ERP44: variants seen among roughly 807,000 people sequenced by gnomAD.
The protein encoded by ERP44 is endoplasmic reticulum resident protein 44.
ERP44 carries 25 observed loss-of-function variants against 53.4 expected under a neutral mutation model. The ratio of observed to expected loss-of-function variants is 0.47; its 90% CI spans 0.34 to 0.65. The LOEUF is 0.65. Among genes scored for constraint, ERP44 ranks in the 30% least tolerant of loss-of-function variants. The pLI, the probability that ERP44 is intolerant of heterozygous loss-of-function variation, is 0.01. For synonymous variants in ERP44, 145 were observed against 161.2 expected (o/e 0.90, Z 0.76); for missense variants, 338 against 493.2 (o/e 0.69, Z 2.98).
intron 1 of ERP44, among the ~76,000 whole-genome samples, chr9:100,087,339 G>T (rs1265348099): frequency 6.6e-6 from 1 of 152,110 alleles, no homozygotes; most frequent in East Asian, 1.9e-4. Context: ...ATTAGGATAA[G>T]AAGACCACAG....
At chr9:100,042,924 G>C (rs968779990) in intron 4 of ERP44, among the ~76,000 whole-genome samples, 1 of 152,088 alleles carries the variant, frequency 6.6e-6, no homozygotes, top group Non-Finnish European at 1.5e-5. Context: ...GGGTAGTCGA[G>C]GGTCAGGGAG....
At chr9:100,078,217 G>A (rs1306690358) in intron 1 of ERP44, among the ~76,000 whole-genome samples, 1 of 152,134 alleles carries the variant, frequency 6.6e-6, no homozygotes, top group Non-Finnish European at 1.5e-5. Flanking sequence ...CAGTACTTTG[G>A]GAGGCTGAGG....
chr9:100,017,610 C>T (rs1384653300), intron 7 of ERP44, among the ~76,000 whole-genome samples: 1 of 152,146 alleles, frequency 6.6e-6, no homozygotes, highest in East Asian at 1.9e-4. Flanking sequence ...AGTGTCAAAA[C>T]ACTGTAAACA....
At chr9:100,083,203 T>C (rs979148738) in intron 1 of ERP44, among the ~76,000 whole-genome samples, 2 of 151,886 alleles carry the variant, frequency 1.3e-5, no homozygotes, top group African/African-American at 4.8e-5. Flanking sequence ...GATGAACATA[T>C]AATGCTATTC....
chr9:100,000,574 T>C (rs954422299), intron 10 of ERP44, among the ~76,000 whole-genome samples: 1 of 152,158 alleles, frequency 6.6e-6, no homozygotes. Context: ...TTGGTTGCTA[T>C]TGGTCTGTTT....
intron 6 of ERP44, 139 bp downstream of exon 6, chr9:100,020,477 G>A (rs1408705180): frequency 1.8e-6 from 1 of 559,258 alleles, no homozygotes; most frequent in African/African-American, 1.9e-5. Flanking sequence ...TTCAGAGACA[G>A]GTATAAAGAC....
At chr9:100,076,160 G>C (rs368199341) in intron 1 of ERP44, among the ~76,000 whole-genome samples, 2 of 152,192 alleles carry the variant, frequency 1.3e-5, no homozygotes, top group Admixed American at 1.3e-4. Flanking sequence ...GTCACCATGA[G>C]ACCAGAACTG....
intron 10 of ERP44, among the ~76,000 whole-genome samples, chr9:99,986,063 A>G (rs1177405583): frequency 6.6e-6 from 1 of 152,212 alleles, no homozygotes; most frequent in African/African-American, 2.4e-5. Context: ...TGTAGCAGAC[A>G]CCACCATACT....
chr9:100,081,947 G>T (rs765794041), intron 1 of ERP44, among the ~76,000 whole-genome samples: 6 of 150,998 alleles, frequency 4.0e-5, no homozygotes, highest in Non-Finnish European at 5.9e-5. Flanking sequence ...ACCACAAACA[G>T]TTAGAGACTG....
chr9:100,098,963 C>G lies in ERP44; in HGVS notation c.-123G>C. On this transcript the variant is annotated 5_prime_UTR_variant, in exon 1 of 12. Transcript: ENST00000262455. ...CAGCGGAGGATTCTCCAGGCAGCGG[C>G]ACCTCGTCCTCTCGACCCGGGCTCC... 1.4e-6 allele frequency: 1 copy of G among 738,172 alleles called. No individual in the cohort carries two copies. Among genetic ancestry groups the G allele is most frequent in the Non-Finnish European group, 2.3e-6 (1 of 434,078 alleles). 45.7% of individuals were successfully genotyped at this position (738,172 alleles called of 1,614,324 possible). A position where few individuals can be genotyped will look rare whatever the true frequency, so the allele number is the denominator to read the frequency against.
At chr9:99,990,222 T>C (rs913295659) in intron 10 of ERP44, among the ~76,000 whole-genome samples, 1 of 152,150 alleles carries the variant, frequency 6.6e-6, no homozygotes, top group Non-Finnish European at 1.5e-5. Context: ...AATTGTCAGA[T>C]TCACCAAAGT....
At chr9:100,075,827 G>C (rs531864327) in intron 1 of ERP44, among the ~76,000 whole-genome samples, 2 of 152,136 alleles carry the variant, frequency 1.3e-5, no homozygotes, top group African/African-American at 2.4e-5. Context: ...CCCATTTATC[G>C]AGTGACTCAA....
At chr9:100,097,843 C>A (rs145856213) in intron 1 of ERP44, among the ~76,000 whole-genome samples, 11 of 152,202 alleles carry the variant, frequency 7.2e-5, no homozygotes, top group Admixed American at 3.3e-4. Context: ...ATATGCGTCA[C>A]TAAATCGTTT....
Position 100,018,825 on chromosome 9 carries a change from G to A in ERP44, c.588-512C>T, listed in dbSNP as rs149591798. Among the ~76,000 whole-genome samples, 335 of 152,186 alleles carry A rather than the reference G, an allele frequency of 2.2e-3. 2 individuals carry two copies. Among genetic ancestry groups the A allele is most frequent in the African/African-American group, 7.7e-3 (319 of 41,510 alleles). ...TTAATTGAACACTGATTTATCTCTA[G>A]TTTCTAACTAGAGTAGTCCAGGAGA... On this transcript the variant is annotated intron_variant, in intron 6 of 11. Coordinates refer to ENST00000262455, the MANE Select transcript of ERP44 (RefSeq NM_015051.3).
At chr9:100,058,513 G>GAATTAGTTCTGCA (rs1352064547) in intron 2 of ERP44, among the ~76,000 whole-genome samples, 1 of 152,178 alleles carries the variant, frequency 6.6e-6, no homozygotes, top group Non-Finnish European at 1.5e-5. Flanking sequence ...GAATAACTGA[G>GAATTAGTTCTGCA]AATTAGTTCT....
In ERP44 at chr9:100,034,403, C is replaced by T. The variant is rs538520805; in HGVS notation, c.287-12177G>A. ...AAGGCAGGAAGTTCCAGGAATTGCCCACCACTTTCCTAGAAAACTCAAATA... is the reference window on the plus strand; with the variant it reads ...AAGGCAGGAAGTTCCAGGAATTGCCTACCACTTTCCTAGAAAACTCAAATA... On this transcript the variant is annotated intron_variant, in intron 4 of 11. Transcript: ENST00000262455. Among the ~76,000 whole-genome samples, 5 of 152,160 alleles carry T rather than the reference C, an allele frequency of 3.3e-5. No individual in the cohort carries two copies. The East Asian group carries it at 7.7e-4, about 23-fold the overall frequency.
chr9:100,037,419 C>T (rs978735992), intron 4 of ERP44, among the ~76,000 whole-genome samples: 8 of 152,158 alleles, frequency 5.3e-5, no homozygotes, highest in African/African-American at 1.9e-4. Flanking sequence ...GCCACAAGAA[C>T]TGCAACTTCT....
intron 10 of ERP44, among the ~76,000 whole-genome samples, chr9:99,993,884 G>C (rs1587955946): frequency 6.6e-6 from 1 of 152,182 alleles, no homozygotes. Context: ...TATTTATGCA[G>C]CCAACAGGCA....
chr9:100,061,439 G>A (rs1019475352), intron 1 of ERP44, among the ~76,000 whole-genome samples: 26 of 148,816 alleles, frequency 1.7e-4, no homozygotes, highest in South Asian at 6.3e-4. Flanking sequence ...GCAAGACTCC[G>A]TCTCAAAATA....
Sources: allele counts gnomAD v4.1 joint callset (sites outside exome capture counted in the v4.1 genomes callset), GRCh38; gene constraint gnomAD v4.1.1; transcripts MANE v1.5; gene names NCBI Gene and HGNC (gene_info 2026-07-23, HGNC 2026-07-21).